Variants in SMARCA2 observed in about 807,000 individuals in gnomAD.
SMARCA2 encodes SWI/SNF-related matrix-associated actin-dependent regulator of chromatin subfamily A member 2.
SMARCA2 carries 61 observed loss-of-function variants against 199.8 expected under a neutral mutation model. That is an observed-to-expected ratio of 0.31 (90% CI 0.25 to 0.38). The LOEUF is 0.38. Among genes scored for constraint, SMARCA2 ranks in the 10% least tolerant of loss-of-function variants. SMARCA2 has a pLI of 1.00. For missense variants in SMARCA2, 1,344 were observed against 2,012.2 expected (o/e 0.67, Z 6.35); for synonymous variants, 935 against 732.0 (o/e 1.28, Z -4.48).
chr9:2,067,931 C>T (rs1325144007), intron 9 of SMARCA2, among the ~76,000 whole-genome samples: 1 of 152,196 alleles, frequency 6.6e-6, no homozygotes, highest in African/African-American at 2.4e-5. Context: ...ATATATGATG[C>T]TTCAAGCTTT....
intron 9 of SMARCA2, among the ~76,000 whole-genome samples, chr9:2,067,148 A>G (rs748487408): frequency 2.0e-5 from 3 of 152,248 alleles, no homozygotes; most frequent in Admixed American, 6.5e-5. Context: ...CTTGCGAGGA[A>G]AGTCACACAG....
At position 2,029,407 on chromosome 9, in the gene SMARCA2, C is replaced by A. The variant is rs554156802; in HGVS notation, c.225+160C>A. Among the ~76,000 whole-genome samples, 1 of 152,312 alleles carries A rather than the reference C, an allele frequency of 6.6e-6. No homozygotes were observed. Among genetic ancestry groups the A allele is most frequent in the East Asian group, 1.9e-4 (1 of 5,194 alleles). On this transcript the variant is annotated intron_variant, in intron 2 of 33. Coordinates refer to ENST00000349721, the MANE Select transcript of SMARCA2 (RefSeq NM_003070.5). ...TATTAAAAACGCATATTGTGAGGTACTTTTATTGCTACAGATGTTGCATCA... is the reference window on the plus strand; with the variant it reads ...TATTAAAAACGCATATTGTGAGGTAATTTTATTGCTACAGATGTTGCATCA...
intron 3 of SMARCA2, among the ~76,000 whole-genome samples, chr9:2,037,352 G>T (rs922598311): frequency 1.3e-5 from 2 of 152,154 alleles, no homozygotes; most frequent in African/African-American, 4.8e-5. Flanking sequence ...ATCACTGCAT[G>T]GTGTTTGTGC....
At chr9:2,082,099 C>G (rs1821589693) in intron 15 of SMARCA2, 104 bp downstream of exon 15, 2 of 948,634 alleles carry the variant, frequency 2.1e-6, no homozygotes, top group Non-Finnish European at 3.1e-6. Flanking sequence ...GTAGCATGTA[C>G]TAACCTAAAT....
intron 17 of SMARCA2, 145 bp downstream of exon 17, chr9:2,084,341 T>C: frequency 1.7e-6 from 1 of 594,620 alleles, no homozygotes; most frequent in East Asian, 2.8e-5. Context: ...GTTTGATATG[T>C]TTTGGTCGTG....
chr9:2,027,057 T>G (rs935411482), intron 1 of SMARCA2, among the ~76,000 whole-genome samples: 1 of 152,022 alleles, frequency 6.6e-6, no homozygotes, highest in Non-Finnish European at 1.5e-5. Flanking sequence ...CTAATTTACT[T>G]GTCAAAATGG....
chr9:2,114,871 T>C (rs1172194961), intron 24 of SMARCA2, among the ~76,000 whole-genome samples: 1 of 152,206 alleles, frequency 6.6e-6, no homozygotes, highest in Non-Finnish European at 1.5e-5. Context: ...CCTTTTTCTT[T>C]ATATAGATAA....
intron 10 of SMARCA2, chr9:2,072,172 A>G (rs1821116748): frequency 6.6e-6 from 1 of 152,196 alleles, no homozygotes; most frequent in South Asian, 2.1e-4. Flanking sequence ...CTTAATTCCA[A>G]TTGAAAGGAA....
At chr9:2,155,953 A>G (rs886851304) in intron 27 of SMARCA2, among the ~76,000 whole-genome samples, 10 of 151,970 alleles carry the variant, frequency 6.6e-5, no homozygotes, top group African/African-American at 2.4e-4. Flanking sequence ...CTGTTGAGTT[A>G]ATGTCATCAG....
At chr9:2,043,309 G>A (rs1413532367) in intron 4 of SMARCA2, 5 of 152,166 alleles carry the variant, frequency 3.3e-5, no homozygotes, top group South Asian at 2.1e-4. Context: ...GATTGGAGTC[G>A]AGGCATTGCC....
chr9:2,048,133 G>A (rs1250980119), intron 5 of SMARCA2, among the ~76,000 whole-genome samples: 5 of 152,136 alleles, frequency 3.3e-5, no homozygotes, highest in Non-Finnish European at 4.4e-5. Flanking sequence ...GACAATAATG[G>A]GCTGGCTGCC....
intron 9 of SMARCA2, among the ~76,000 whole-genome samples, chr9:2,062,720 G>A (rs1350307574): frequency 6.6e-6 from 1 of 152,112 alleles, no homozygotes; most frequent in Non-Finnish European, 1.5e-5. Context: ...TATGAGCTAG[G>A]TCGTGTGCTA....
chr9:2,188,951 A>G (rs577613314), intron 32 of SMARCA2, among the ~76,000 whole-genome samples: 107 of 152,190 alleles, frequency 7.0e-4, no homozygotes, highest in Non-Finnish European at 1.2e-3. Flanking sequence ...CCTTGTTCCA[A>G]CTTTAAAGCC....
intron 29 of SMARCA2, among the ~76,000 whole-genome samples, chr9:2,180,815 A>T (rs925722681): frequency 1.3e-5 from 2 of 152,164 alleles, no homozygotes; most frequent in Non-Finnish European, 2.9e-5. Flanking sequence ...TTGCTATAGA[A>T]CCTGCTTTCA....
intron 29 of SMARCA2, among the ~76,000 whole-genome samples, chr9:2,174,840 A>G (rs2129779295): frequency 7.1e-6 from 1 of 140,480 alleles, no homozygotes; most frequent in East Asian, 2.2e-4. Context: ...GGATTGCTTG[A>G]GCCTGGGAGG....
rs557600770 is a variant in SMARCA2, at chr9:2,097,659, T to A, written c.3078+188T>A. Among the ~76,000 whole-genome samples the A allele has an allele frequency of 1.1e-4, 16 of 152,314 alleles. No homozygotes were observed. The South Asian group carries it at 3.3e-3, about 32-fold the overall frequency. On this transcript the variant is annotated intron_variant, in intron 21 of 33. Coordinates refer to ENST00000349721, the MANE Select transcript of SMARCA2 (RefSeq NM_003070.5). ...ACATGAGTATTCTGGTTATGGGTTC[T>A]CATTGGCACCAAGCATTTGAGCATC... is the stretch of plus-strand genomic sequence containing the variant.
chr9:2,168,562 G>A (rs1331163869), intron 28 of SMARCA2, among the ~76,000 whole-genome samples: 1 of 152,140 alleles, frequency 6.6e-6, no homozygotes, highest in Non-Finnish European at 1.5e-5. Context: ...TTTATTTGAA[G>A]TGCGTTAGGT....
chr9:2,130,043 G>A (rs529391897), intron 27 of SMARCA2, among the ~76,000 whole-genome samples: 4 of 152,050 alleles, frequency 2.6e-5, no homozygotes, highest in African/African-American at 9.7e-5. Flanking sequence ...TTGTAGAGTC[G>A]GGGTTTTGCC....
intron 27 of SMARCA2, chr9:2,160,168 G>T: frequency 2.3e-6 from 1 of 437,670 alleles, no homozygotes; most frequent in South Asian, 4.5e-5. Context: ...TATAGTGGGT[G>T]TCCTGCTTTT....
Sources: allele counts gnomAD v4.1 joint callset (sites outside exome capture counted in the v4.1 genomes callset), GRCh38; gene constraint gnomAD v4.1.1; transcripts MANE v1.5; gene names NCBI Gene and HGNC (gene_info 2026-07-23, HGNC 2026-07-21).